The following FHOD3 variants were observed in gnomAD, a reference collection of about 807,000 sequenced individuals.
FHOD3 encodes FH1/FH2 domain-containing protein 3.
A neutral mutation model predicts 173.0 loss-of-function variants in FHOD3; 90 were observed. That is an observed-to-expected ratio of 0.52 (90% CI 0.44 to 0.62). The LOEUF (loss-of-function observed/expected upper bound fraction) is 0.62, where lower values mean the gene tolerates loss of function less well. FHOD3 is among the 20% of genes least tolerant of loss of function. The pLI, the probability that FHOD3 is intolerant of heterozygous loss-of-function variation, is 0.00. For missense variants in FHOD3, 1,945 were observed against 2,034.7 expected, an observed-to-expected ratio of 0.96 and a Z score of 0.85; for synonymous variants, 828 against 823.0, an observed-to-expected ratio of 1.01 and a Z score of -0.10.
At chr18:36,374,858 A>G (rs925217920) in intron 3 of FHOD3, among the ~76,000 whole-genome samples, 1 of 149,692 alleles carries the variant, frequency 6.7e-6, no homozygotes. Context: ...TTTTTTATGT[A>G]TTGTTTTCAA....
At chr18:36,349,139 G>A (rs1359051414) in intron 1 of FHOD3, among the ~76,000 whole-genome samples, 1 of 152,198 alleles carries the variant, frequency 6.6e-6, no homozygotes, top group Non-Finnish European at 1.5e-5. Flanking sequence ...ATCCAGGCTG[G>A]CCTCGCGTGA....
intron 5 of FHOD3, among the ~76,000 whole-genome samples, chr18:36,563,264 G>GT (rs376506123): frequency 5.3e-5 from 8 of 152,302 alleles, no homozygotes; most frequent in African/African-American, 1.9e-4. Flanking sequence ...TTTTTGAAGG[G>GT]TTGTATATTA....
At chr18:36,338,296 CT>C (rs1568141452) in intron 1 of FHOD3, among the ~76,000 whole-genome samples, 1 of 152,144 alleles carries the variant, frequency 6.6e-6, no homozygotes, top group African/African-American at 2.4e-5. Context: ...GTAGCCTGTG[CT>C]TGGAATGGAG....
chr18:36,467,749 G>A lies in FHOD3; in HGVS notation c.338-34183G>A, dbSNP rs1419457549. Among the ~76,000 whole-genome samples the A allele has an allele frequency of 2.0e-5, 3 of 152,214 alleles. No individual in the cohort carries two copies. The East Asian group carries it at 5.8e-4, about 29-fold the overall frequency. ...ACACACGGCATCCTAGCAGTGCTTA[G>A]GGCTGGCCTTTGCACTGTGGGGTGG... On this transcript the variant is annotated intron_variant, in intron 3 of 28. Coordinates refer to ENST00000590592, the MANE Select transcript of FHOD3 (RefSeq NM_001281740.3).
At chr18:36,390,950 C>A (rs2048274678) in intron 3 of FHOD3, among the ~76,000 whole-genome samples, 1 of 152,232 alleles carries the variant, frequency 6.6e-6, no homozygotes, top group Non-Finnish European at 1.5e-5. Flanking sequence ...CAGGTATGCA[C>A]TGCCTTAGTT....
intron 3 of FHOD3, among the ~76,000 whole-genome samples, chr18:36,421,837 A>C (rs1229802751): frequency 1.3e-5 from 2 of 152,134 alleles, no homozygotes; most frequent in Non-Finnish European, 2.9e-5. Flanking sequence ...GGCAGTCTAT[A>C]GTGTGGGGGA....
At chr18:36,639,740 G>C (rs1489004845) in intron 10 of FHOD3, among the ~76,000 whole-genome samples, 3 of 151,692 alleles carry the variant, frequency 2.0e-5, no homozygotes, top group African/African-American at 7.3e-5. Flanking sequence ...GGAGAATGGT[G>C]TGAACCTGGG....
intron 18 of FHOD3, 195 bp downstream of exon 18, chr18:36,709,586 A>G: frequency 1.7e-6 from 1 of 601,642 alleles, no homozygotes; most frequent in Non-Finnish European, 2.9e-6. Flanking sequence ...TCTGCCCTGT[A>G]GAAAGACAGC....
In FHOD3 at chr18:36,652,780, C is replaced by A. The variant is rs1001177567; in HGVS notation, c.1497C>A (p.Ser499=). ...CCCCTGCCTCAGCTGCTCGGCCCTCCTCCGCCACACCAGGCTCCCTGAAGG... is the reference window on the plus strand; with the variant it reads ...CCCCTGCCTCAGCTGCTCGGCCCTCATCCGCCACACCAGGCTCCCTGAAGG... ...LSPPASAARP[S]SATPGSLKVS... is the part of the protein sequence containing the mutation. The change falls in exon 12 of 29, where the codon TCC becomes TCA. Residue 499 remains serine, a synonymous_variant. Coordinates refer to ENST00000590592, the MANE Select transcript of FHOD3 (RefSeq NM_001281740.3). 3 of 1,535,882 alleles carry A rather than the reference C, an allele frequency of 2.0e-6. No homozygotes were observed. Among genetic ancestry groups the A allele is most frequent in the African/African-American group, 1.4e-5 (1 of 73,024 alleles).
At chr18:36,538,613 C>A (rs1224820771) in intron 5 of FHOD3, among the ~76,000 whole-genome samples, 1 of 152,208 alleles carries the variant, frequency 6.6e-6, no homozygotes, top group East Asian at 1.9e-4. Flanking sequence ...TACATCCATA[C>A]TATGGAATAC....
intron 25 of FHOD3, among the ~76,000 whole-genome samples, chr18:36,757,647 A>G (rs926305819): frequency 3.9e-5 from 6 of 152,166 alleles, no homozygotes; most frequent in African/African-American, 1.4e-4. Context: ...ACATTTAGAG[A>G]TGAGAGGTCT....
intron 5 of FHOD3, among the ~76,000 whole-genome samples, chr18:36,516,252 A>G (rs1329803126): frequency 6.6e-6 from 1 of 152,196 alleles, no homozygotes; most frequent in Non-Finnish European, 1.5e-5. Context: ...GGGCAGATGC[A>G]GATCAAGAGA....
intron 14 of FHOD3, among the ~76,000 whole-genome samples, chr18:36,663,668 C>T (rs1159353223): frequency 6.6e-6 from 1 of 152,214 alleles, no homozygotes; most frequent in Non-Finnish European, 1.5e-5. Flanking sequence ...GCTGTGATCC[C>T]CTTGAACACC....
intron 14 of FHOD3, among the ~76,000 whole-genome samples, chr18:36,664,794 G>GAGAGAT (rs1456133532): frequency 1.3e-5 from 2 of 151,458 alleles, no homozygotes; most frequent in African/African-American, 4.9e-5. Flanking sequence ...GAGAGAGAGA[G>GAGAGAT]AGAGAGAGAG....
At chr18:36,618,277 A>G (rs1017941670) in intron 9 of FHOD3, among the ~76,000 whole-genome samples, 1 of 145,016 alleles carries the variant, frequency 6.9e-6, no homozygotes, top group African/African-American at 2.5e-5. Flanking sequence ...GCATTCTTGT[A>G]ATACAATCCA....
At chr18:36,425,356 A>G (rs2050185031) in intron 3 of FHOD3, among the ~76,000 whole-genome samples, 1 of 152,228 alleles carries the variant, frequency 6.6e-6, no homozygotes, top group South Asian at 2.1e-4. Context: ...GGACCGCTAT[A>G]TTATAGTTAA....
intron 1 of FHOD3, among the ~76,000 whole-genome samples, chr18:36,343,145 C>T (rs1033909737): frequency 3.6e-4 from 55 of 152,314 alleles, no homozygotes; most frequent in Admixed American, 2.5e-3. Flanking sequence ...AGCAATTCTA[C>T]TCCTAGGTAT....
chr18:36,703,862 A>C (rs2149605265), intron 17 of FHOD3, among the ~76,000 whole-genome samples: 1 of 152,268 alleles, frequency 6.6e-6, no homozygotes, highest in South Asian at 2.1e-4. Context: ...TCTTACACCT[A>C]AGAAAAGCAC....
intron 28 of FHOD3, among the ~76,000 whole-genome samples, chr18:36,771,455 C>T (rs1337707923): frequency 6.6e-6 from 1 of 152,156 alleles, no homozygotes; most frequent in African/African-American, 2.4e-5. Flanking sequence ...GAGGCTGAGC[C>T]TATTGCCATT....
Sources: gnomAD v4.1 joint callset for allele counts (sites outside exome capture counted in the v4.1 genomes callset) on GRCh38, gnomAD v4.1.1 for gene constraint, MANE v1.5 for transcripts, NCBI Gene and HGNC (gene_info 2026-07-23, HGNC 2026-07-21) for gene names.